The following MARCHF1 variants were observed in gnomAD, a reference collection of about 807,000 sequenced individuals.
MARCHF1 encodes the protein E3 ubiquitin-protein ligase MARCHF1.
Under a neutral mutation model 54.2 loss-of-function variants are expected in MARCHF1, and 40 were observed. The observed-to-expected ratio is 0.74, with a 90% CI of 0.57 to 0.96. MARCHF1 has a LOEUF of 0.96. Among genes scored for constraint, MARCHF1 ranks in the 40% least tolerant of loss-of-function variants. The pLI, the probability that MARCHF1 is intolerant of heterozygous loss-of-function variation, is 0.00. For missense variants in MARCHF1, 586 were observed against 656.5 expected, an observed-to-expected ratio of 0.89 and a Z score of 1.17; for synonymous variants, 236 against 236.3, an observed-to-expected ratio of 1.00 and a Z score of 0.01.
chr4:163,923,113 T>C (rs1315387289), intron 3 of MARCHF1, among the ~76,000 whole-genome samples: 1 of 152,156 alleles, frequency 6.6e-6, no homozygotes, highest in Non-Finnish European at 1.5e-5. Context: ...CTTACGGTGA[T>C]CCAGGGTTGC....
At chr4:163,826,542 ATATT>A (rs1748852021) in intron 4 of MARCHF1, among the ~76,000 whole-genome samples, 1 of 152,200 alleles carries the variant, frequency 6.6e-6, no homozygotes, top group South Asian at 2.1e-4. Context: ...AACCTAGTAA[ATATT>A]TATTGAGGCT....
chr4:163,632,001 T>G (rs1427010004), intron 5 of MARCHF1, among the ~76,000 whole-genome samples: 1 of 152,142 alleles, frequency 6.6e-6, no homozygotes, highest in Non-Finnish European at 1.5e-5. Context: ...TGAACATCAC[T>G]AATAATGAGG....
At chr4:163,597,072 C>T (rs1740799800) in intron 7 of MARCHF1, among the ~76,000 whole-genome samples, 2 of 152,156 alleles carry the variant, frequency 1.3e-5, no homozygotes, top group African/African-American at 4.8e-5. Flanking sequence ...TCTCCTGTCT[C>T]AGTTTCCAGA....
At position 163,532,939 on chromosome 4, in the gene MARCHF1, CTT is replaced by C. The variant is rs538134697; in HGVS notation, c.1340-3895_1340-3894del. 1.4e-3 allele frequency among the ~76,000 whole-genome samples: 219 copies of C among 152,044 alleles called. 1 individual carries two copies. The highest frequency in any genetic ancestry group is 4.9e-3 in the African/African-American group (203 of 41,526). Reference sequence around the variant, plus strand: ...ATAGGTATGCAAAATGGTACAGTCACTTTGGAAGACAGTCTGGCAGTTTTTTA... The same window carrying C: ...ATAGGTATGCAAAATGGTACAGTCACTGGAAGACAGTCTGGCAGTTTTTTA... On this transcript the variant is annotated intron_variant, in intron 9 of 9. Coordinates refer to ENST00000514618, the MANE Select transcript of MARCHF1 (RefSeq NM_001394959.1).
chr4:163,564,982 G>T (rs1739597257), intron 8 of MARCHF1, among the ~76,000 whole-genome samples: 3 of 151,972 alleles, frequency 2.0e-5, no homozygotes, highest in Admixed American at 2.0e-4. Flanking sequence ...CCTAAACTGG[G>T]CCTCGACTCT....
rs1165655562 is a variant in MARCHF1 at position 163,612,297 on chromosome 4, A to G, written c.984T>C (p.Asp328=). The G allele has an allele frequency of 1.3e-6, 2 of 1,517,472 alleles. No homozygotes were observed. The highest frequency in any genetic ancestry group is 1.8e-6 in the Non-Finnish European group (2 of 1,140,726). 94.0% of individuals were successfully genotyped at this position (1,517,472 alleles called of 1,614,324 possible). The change falls in exon 7 of 10, where the codon GAT becomes GAC. Residue 328 remains aspartate (D), a synonymous_variant. Transcript: ENST00000514618. The part of the protein sequence containing the change: ...PVQKPPATYD[D]GSDNLEVCRI... ...TGCATACTTCTAAATTATCAGACCC[A>G]TCGTCATAGGTGGCAGGAGGCTTCT...
chr4:164,273,324 C>A (rs1394480876), intron 1 of MARCHF1, among the ~76,000 whole-genome samples: 1 of 152,110 alleles, frequency 6.6e-6, no homozygotes, highest in East Asian at 1.9e-4. Flanking sequence ...CTTGTGAGAA[C>A]TCACTATCAC....
rs552921527 is a variant in MARCHF1, at chr4:163,941,566, T to G, written c.-39+46935A>C. On this transcript the variant is annotated intron_variant, in intron 3 of 9. Coordinates refer to ENST00000514618, the MANE Select transcript of MARCHF1 (RefSeq NM_001394959.1). Reference sequence around the variant, plus strand: ...TTGCTGTTTACTTTGTGTGACCTTTTTGGGTCCTTCTCAGTCCATACATAA... The same window carrying G: ...TTGCTGTTTACTTTGTGTGACCTTTGTGGGTCCTTCTCAGTCCATACATAA... Among the ~76,000 whole-genome samples the G allele has an allele frequency of 3.3e-5, 5 of 152,254 alleles. No individual in the cohort carries two copies. The South Asian group carries it at 6.2e-4, about 19-fold the overall frequency.
intron 3 of MARCHF1, among the ~76,000 whole-genome samples, chr4:163,944,807 C>G (rs1360256542): frequency 6.6e-6 from 1 of 152,134 alleles, no homozygotes; most frequent in African/African-American, 2.4e-5. Flanking sequence ...TTCCATTCAG[C>G]CCCATGTCCA....
At chr4:163,959,988 G>T (rs555210526) in intron 3 of MARCHF1, among the ~76,000 whole-genome samples, 1 of 151,960 alleles carries the variant, frequency 6.6e-6, no homozygotes. Flanking sequence ...ATTAAAAAGC[G>T]AGCAAAGGAC....
At chr4:164,166,038 T>A (rs1290946846) in intron 1 of MARCHF1, among the ~76,000 whole-genome samples, 1 of 151,968 alleles carries the variant, frequency 6.6e-6, no homozygotes, top group Non-Finnish European at 1.5e-5. Flanking sequence ...TTCAGAAAAC[T>A]TTTAAAAATT....
chr4:163,690,271 CAA>C (rs1279368738), intron 5 of MARCHF1, among the ~76,000 whole-genome samples: 1 of 152,022 alleles, frequency 6.6e-6, no homozygotes, highest in Non-Finnish European at 1.5e-5. Flanking sequence ...GGACTTCCCT[CAA>C]AAAAGAGTCT....
chr4:164,309,739 A>G (rs1333688078), intron 1 of MARCHF1, among the ~76,000 whole-genome samples: 1 of 152,220 alleles, frequency 6.6e-6, no homozygotes, highest in Admixed American at 6.5e-5. Context: ...ATAGAATAAG[A>G]CATTTTAATC....
chr4:163,651,749 T>C (rs1742974690), intron 5 of MARCHF1, among the ~76,000 whole-genome samples: 1 of 151,806 alleles, frequency 6.6e-6, no homozygotes, highest in Admixed American at 6.6e-5. Context: ...CAAATTTTGT[T>C]ACTTTTTCCT....
chr4:163,960,824 A>AC (rs1752332208), intron 3 of MARCHF1, among the ~76,000 whole-genome samples: 1 of 151,778 alleles, frequency 6.6e-6, no homozygotes, highest in South Asian at 2.1e-4. Flanking sequence ...TAAAAAAAAA[A>AC]AAAACAGACT....
At chr4:163,604,774 A>G (rs1741089271) in intron 7 of MARCHF1, among the ~76,000 whole-genome samples, 1 of 151,640 alleles carries the variant, frequency 6.6e-6, no homozygotes, top group Admixed American at 6.6e-5. Flanking sequence ...ACCATATCTC[A>G]CTCATCTCTG....
chr4:164,199,687 G>C (rs62347977), intron 1 of MARCHF1, among the ~76,000 whole-genome samples: 753 of 67,154 alleles, frequency 0.011, 4 homozygotes, highest in Non-Finnish European at 0.017. Flanking sequence ...CACACAGAGA[G>C]AGAGAGAGAG....
At chr4:163,994,451 G>A (rs1347858510) in intron 2 of MARCHF1, among the ~76,000 whole-genome samples, 2 of 151,774 alleles carry the variant, frequency 1.3e-5, no homozygotes, top group African/African-American at 4.8e-5. Context: ...CATTTCATGA[G>A]GAGATATACC....
intron 4 of MARCHF1, among the ~76,000 whole-genome samples, chr4:163,725,621 A>G (rs1191924961): frequency 6.6e-6 from 1 of 152,250 alleles, no homozygotes; most frequent in Non-Finnish European, 1.5e-5. Context: ...TTAATTTAAA[A>G]CTAAACCCTG....
Sources: allele counts gnomAD v4.1 joint callset (sites outside exome capture counted in the v4.1 genomes callset), GRCh38; gene constraint gnomAD v4.1.1; transcripts MANE v1.5; gene names NCBI Gene and HGNC (gene_info 2026-07-23, HGNC 2026-07-21).